Variants in OSTM1 observed in about 807,000 individuals in gnomAD.
OSTM1 encodes osteoclastogenesis associated transmembrane protein 1.
OSTM1 carries 26 observed loss-of-function variants against 35.4 expected under a neutral mutation model. The ratio of observed to expected loss-of-function variants is 0.73; its 90% confidence interval spans 0.54 to 1.02. The LOEUF is 1.02. OSTM1 is among the 50% of genes least tolerant of loss of function. OSTM1 has a pLI of 0.00. For synonymous variants in OSTM1, 181 were observed against 165.0 expected (o/e 1.10, Z -0.75); for missense variants, 366 against 409.6 (o/e 0.89, Z 0.92).
At position 108,074,632 on chromosome 6, in the gene OSTM1, G is replaced by A. The variant is rs915486434; in HGVS notation, c.20C>T (p.Ala7Val). 6.4e-7 allele frequency: 1 copy of A among 1,556,592 alleles called. No individual in the cohort carries two copies. Among genetic ancestry groups the A allele is most frequent in the Non-Finnish European group, 8.6e-7 (1 of 1,158,104 alleles). The part of the protein sequence containing the change: MEPGPT[A>V]AQRRCSLPPW... ...CGGCAACGAACACCTCCGCTGCGCG[G>A]CTGTCGGGCCCGGCTCCATCACCGG... The change falls in exon 1 of 6, where the codon GCC becomes GTC. Residue 7 changes from alanine to valine, a missense_variant. Ala to Val is a moderately conservative substitution (Grantham distance 64). Transcript: ENST00000193322.
intron 2 of OSTM1, among the ~76,000 whole-genome samples, chr6:108,059,194 G>A (rs984997686): frequency 6.6e-6 from 1 of 152,156 alleles, no homozygotes; most frequent in African/African-American, 2.4e-5. Context: ...AGCAAGAAGG[G>A]TCTCAATAAC....
Position 108,044,089 on chromosome 6 carries a change from T to C in OSTM1, c.*696A>G, listed in dbSNP as rs1771923097. The C allele has an allele frequency of 6.6e-6, 1 of 152,528 alleles. No homozygotes were observed. Among genetic ancestry groups the C allele is most frequent in the South Asian group, 2.1e-4 (1 of 4,818 alleles). The allele number at this position is 152,528 out of a possible 1,614,324, so 9.4% of individuals were successfully genotyped here. A position where few individuals can be genotyped will look rare whatever the true frequency, so the allele number is the denominator to read the frequency against. On this transcript the variant is annotated 3_prime_UTR_variant, in exon 6 of 6. Coordinates refer to ENST00000193322, the MANE Select transcript of OSTM1 (RefSeq NM_014028.4). Reference sequence around the variant, plus strand: ...TATTGCCCTGAATATAATAAAGCAATCCAGTGATTTTTAAATTACTTATGA... The same window carrying C: ...TATTGCCCTGAATATAATAAAGCAACCCAGTGATTTTTAAATTACTTATGA...
At chr6:108,068,778 G>GATTATGTCATTCCACAGA (rs1772426959) in intron 1 of OSTM1, among the ~76,000 whole-genome samples, 1 of 151,566 alleles carries the variant, frequency 6.6e-6, no homozygotes, top group South Asian at 2.1e-4. Context: ...GTACAAATCT[G>GATTATGTCATTCCACAGA]ATTATGTCAT....
Position 108,074,583 on chromosome 6 carries a change from C to T in OSTM1, c.69G>A (p.Leu23=), listed in dbSNP as rs1180847184. The stretch of plus-strand genomic sequence containing the variant: ...CGCCCAGGGCCAGCCCCGACCACAG[C>T]AGCAGCCCCAGCGGCAGCCACGGCG... ...SLPPWLPLGL[L]LWSGLALGAL... Residue 23 remains leucine, a synonymous_variant, in exon 1 of 6, where the codon CTG becomes CTA. Coordinates refer to ENST00000193322, the MANE Select transcript of OSTM1 (RefSeq NM_014028.4). The T allele has an allele frequency of 6.4e-7, 1 of 1,565,280 alleles. No individual in the cohort carries two copies. The highest frequency in any genetic ancestry group is 8.6e-7 in the Non-Finnish European group (1 of 1,159,776).
intron 1 of OSTM1, 136 bp from the exon 2 acceptor site, chr6:108,064,435 A>G (rs771019627): frequency 1.7e-5 from 11 of 656,602 alleles, no homozygotes; most frequent in Non-Finnish European, 2.4e-5. Flanking sequence ...AGATGTTAAC[A>G]TTAATAAAAA....
At chr6:108,060,198 T>C (rs1453729935) in intron 2 of OSTM1, among the ~76,000 whole-genome samples, 3 of 152,076 alleles carry the variant, frequency 2.0e-5, no homozygotes, top group Non-Finnish European at 4.4e-5. Flanking sequence ...TTGGGAAGAG[T>C]CTTTTAAGTA....
In OSTM1 at chr6:108,047,962, A is replaced by G. The variant is rs553091545; in HGVS notation, c.949+1291T>C. On this transcript the variant is annotated intron_variant, in intron 5 of 5. Transcript: ENST00000193322. The stretch of plus-strand genomic sequence containing the variant: ...ATAGTTTCTCAATGGTGAGGTGCCC[A>G]CAATATTTTGCTATTATTCTAAGTA... 9.9e-4 allele frequency among the ~76,000 whole-genome samples: 151 copies of G among 152,232 alleles called. 1 individual carries two copies. Among genetic ancestry groups the G allele is most frequent in the Non-Finnish European group, 2.0e-3 (133 of 68,030 alleles).
At chr6:108,062,527 TTTC>T (rs1394824017) in intron 2 of OSTM1, among the ~76,000 whole-genome samples, 4 of 140,020 alleles carry the variant, frequency 2.9e-5, no homozygotes, top group African/African-American at 1.1e-4. Context: ...TATATAAGCT[TTTC>T]TTTTCTTTTT....
In OSTM1 at chr6:108,043,907, TC is replaced by T. The variant is rs1771919583; in HGVS notation, c.*877del. 6.6e-6 allele frequency: 1 copy of T among 152,296 alleles called. No individual in the cohort carries two copies. Among genetic ancestry groups the T allele is most frequent in the African/African-American group, 2.4e-5 (1 of 41,416 alleles). The allele number at this position is 152,296 out of a possible 1,614,324, so 9.4% of individuals were successfully genotyped here. A position where few individuals can be genotyped will look rare whatever the true frequency, so the allele number is the denominator to read the frequency against. On this transcript the variant is annotated 3_prime_UTR_variant, in exon 6 of 6. Coordinates refer to ENST00000193322, the MANE Select transcript of OSTM1 (RefSeq NM_014028.4). ...CCCCTCCTGTCTCTCTTCTCCAAAA[TC>T]CTCTATATATCTTAAGAAGAAAATA...
At chr6:108,069,417 T>C (rs891197302) in intron 1 of OSTM1, among the ~76,000 whole-genome samples, 1 of 152,214 alleles carries the variant, frequency 6.6e-6, no homozygotes, top group Non-Finnish European at 1.5e-5. Context: ...TAAAAGTATA[T>C]TGAATACTCA....
chr6:108,049,552 T>C, intron 4 of OSTM1, 134 bp from the exon 5 acceptor site: 1 of 1,473,668 alleles, frequency 6.8e-7, no homozygotes, highest in Non-Finnish European at 9.0e-7. Flanking sequence ...CTACTGATAG[T>C]TGAGGACAAC....
In OSTM1 at chr6:108,074,421, C is replaced by A; in HGVS notation, c.231G>T (p.Leu77=). The A allele has an allele frequency of 3.2e-6, 5 of 1,564,658 alleles. No homozygotes were observed. The highest frequency in any genetic ancestry group is 4.3e-6 in the Non-Finnish European group (5 of 1,154,672). ...GLGPLSLPPD[L]PDLDPECREL... ...CCCGGCACTCAGGATCCAGATCCGG[C>A]AGGTCCGGGGGCAGCGACAGAGGCC... Residue 77 remains leucine (L), a synonymous_variant, in exon 1 of 6, where the codon CTG becomes CTT. Coordinates refer to ENST00000193322, the MANE Select transcript of OSTM1 (RefSeq NM_014028.4).
Position 108,054,492 on chromosome 6 carries a change from GA to G in OSTM1, c.612del (p.Gln205ArgfsTer27). 1 of 1,389,984 alleles carries G rather than the reference GA, an allele frequency of 7.2e-7. No homozygotes were observed. The highest frequency in any genetic ancestry group is 1.0e-6 in the Non-Finnish European group (1 of 982,124). The allele number at this position is 1,389,984 out of a possible 1,614,324, so 86.1% of individuals were successfully genotyped here. ...TTTAAATATTATATATAAAATACCT[GA>G]AGGTTATGTTCAAAGCAGGTCAGGG... ...NHTLTCFEHNLQGNAHSLLQT... is the reference protein window; with the variant it reads ...NHTLTCFEHNXQGNAHSLLQT... On this transcript the variant is annotated frameshift_variant, in exon 3 of 6. Transcript: ENST00000193322. LOFTEE classifies it high-confidence loss of function.
intron 5 of OSTM1, among the ~76,000 whole-genome samples, chr6:108,045,449 T>G (rs1771950684): frequency 6.7e-6 from 1 of 149,968 alleles, no homozygotes; most frequent in African/African-American, 2.5e-5. Context: ...GAAAGAAAAC[T>G]GCTTCTATTT....
intron 2 of OSTM1, among the ~76,000 whole-genome samples, chr6:108,062,529 T>A (rs1454822362): frequency 7.1e-6 from 1 of 140,220 alleles, no homozygotes; most frequent in East Asian, 2.3e-4. Context: ...TATAAGCTTT[T>A]CTTTTCTTTT....
chr6:108,057,941 T>C (rs926401978), intron 2 of OSTM1, among the ~76,000 whole-genome samples: 2 of 152,138 alleles, frequency 1.3e-5, no homozygotes, highest in Non-Finnish European at 2.9e-5. Context: ...GAAGTGGTCA[T>C]TATGAATTTC....
At chr6:108,060,969 A>C (rs1772261933) in intron 2 of OSTM1, 1 of 152,152 alleles carries the variant, frequency 6.6e-6, no homozygotes, top group African/African-American at 2.4e-5. Context: ...CCCAGTATAT[A>C]TCCACTTATT....
At chr6:108,047,243 G>T (rs940991618) in intron 5 of OSTM1, among the ~76,000 whole-genome samples, 1 of 152,174 alleles carries the variant, frequency 6.6e-6, no homozygotes. Context: ...GCTAAGACCT[G>T]GCTTGCAAGA....
chr6:108,048,484 A>C lies in OSTM1; in HGVS notation c.949+769T>G, dbSNP rs147540166. On this transcript the variant is annotated intron_variant, in intron 5 of 5. Coordinates refer to ENST00000193322, the MANE Select transcript of OSTM1 (RefSeq NM_014028.4). ...AATTAATATGTATTGAGCATATACT[A>C]TTATATCAAGTAATCTCCTTGGAAC... Among the ~76,000 whole-genome samples, 999 of 152,306 alleles carry C rather than the reference A, an allele frequency of 6.6e-3. 6 individuals carry two copies. Among genetic ancestry groups the C allele is most frequent in the Non-Finnish European group, 9.5e-3 (645 of 68,026 alleles).
Sources: gnomAD v4.1 joint callset for allele counts (sites outside exome capture counted in the v4.1 genomes callset) on GRCh38, gnomAD v4.1.1 for gene constraint, MANE v1.5 for transcripts, NCBI Gene and HGNC (gene_info 2026-07-23, HGNC 2026-07-21) for gene names.